WDFY4: variants seen among roughly 807,000 people sequenced by gnomAD.
WDFY4 encodes WDFY family member 4, also known as WD repeat- and FYVE domain-containing protein 4.
A neutral mutation model predicts 351.9 loss-of-function variants in WDFY4; 169 were observed. That is an observed-to-expected ratio of 0.48 (90% CI 0.42 to 0.55). The LOEUF is 0.55. Ranked by LOEUF, WDFY4 falls within the 20% of genes least tolerant of loss-of-function variation. The pLI is 0.00. For synonymous variants in WDFY4, 1,622 were observed against 1,574.6 expected, an observed-to-expected ratio of 1.03 and a Z score of -0.71; for missense variants, 3,803 against 3,935.6, an observed-to-expected ratio of 0.97 and a Z score of 0.90.
chr10:48,905,436 G>A (rs564280248), intron 47 of WDFY4, among the ~76,000 whole-genome samples: 1 of 152,324 alleles, frequency 6.6e-6, no homozygotes, highest in Non-Finnish European at 1.5e-5. Flanking sequence ...ATGCCAACCT[G>A]TGTACCACCT....
chr10:48,966,894 C>G lies in WDFY4; in HGVS notation c.8584+221C>G, dbSNP rs890338791. The stretch of plus-strand genomic sequence containing the variant: ...CCCTAACTTCTGAAGACCCACGTCT[C>G]TCTGTCTTTCTGTCTGTCTCTCTCA... On this transcript the variant is annotated intron_variant, in intron 55 of 61. Coordinates refer to ENST00000325239, the MANE Select transcript of WDFY4 (RefSeq NM_001394531.1). The G allele has an allele frequency of 5.2e-6, 3 of 578,746 alleles. No individual in the cohort carries two copies. In the African/African-American group the frequency reaches 5.6e-5, roughly 11 times the overall value. The allele number at this position is 578,746 out of a possible 1,614,324, so 35.9% of individuals were successfully genotyped here.
intron 13 of WDFY4, among the ~76,000 whole-genome samples, chr10:48,763,358 G>T (rs139192652): frequency 2.0e-5 from 3 of 152,370 alleles, no homozygotes; most frequent in African/African-American, 7.2e-5. Context: ...AGACTGCAGG[G>T]TCATGCATTC....
At chr10:48,844,410 G>T (rs894913742) in intron 39 of WDFY4, among the ~76,000 whole-genome samples, 1 of 152,096 alleles carries the variant, frequency 6.6e-6, no homozygotes, top group Non-Finnish European at 1.5e-5. Flanking sequence ...TGGCCAATAT[G>T]ATGAAACCCC....
At chr10:48,875,050 T>C (rs2069941746) in intron 41 of WDFY4, 39 bp from the exon 42 acceptor site, 3 of 1,319,340 alleles carry the variant, frequency 2.3e-6, no homozygotes, top group African/African-American at 1.5e-5. Context: ...AGATGTAGCA[T>C]CCAGGATTTA....
At chr10:48,803,261 G>A (rs2132852867) in intron 24 of WDFY4, 25 bp from the exon 25 acceptor site, 1 of 1,550,700 alleles carries the variant, frequency 6.4e-7, no homozygotes, top group Non-Finnish European at 8.7e-7. Context: ...CTTCATTTTA[G>A]CATGTGTTTT....
intron 35 of WDFY4, 78 bp from the exon 36 acceptor site, chr10:48,826,593 T>C: frequency 9.0e-7 from 1 of 1,116,808 alleles, no homozygotes; most frequent in East Asian, 2.6e-5. Flanking sequence ...ATACTATTTT[T>C]GTGGTAAACT....
At chr10:48,948,255 G>A (rs989817701) in intron 51 of WDFY4, among the ~76,000 whole-genome samples, 1 of 152,142 alleles carries the variant, frequency 6.6e-6, no homozygotes. Flanking sequence ...AATAATAAAT[G>A]TGCTTCCCCT....
At chr10:48,695,676 T>A (rs186809026) in intron 1 of WDFY4, among the ~76,000 whole-genome samples, 6 of 152,210 alleles carry the variant, frequency 3.9e-5, no homozygotes, top group Non-Finnish European at 8.8e-5. Context: ...CGAGCCCTGA[T>A]CGGCTCCCAG....
chr10:48,709,574 C>A (rs2063715845), intron 1 of WDFY4, 142 bp from the exon 2 acceptor site: 1 of 692,586 alleles, frequency 1.4e-6, no homozygotes, highest in African/African-American at 1.8e-5. Context: ...AAAAAGGCTT[C>A]CTTATTTTAG....
chr10:48,776,814 C>T lies in WDFY4; in HGVS notation c.2928C>T (p.His976=), dbSNP rs1407392357. The T allele has an allele frequency of 6.4e-7, 1 of 1,551,572 alleles. No individual in the cohort carries two copies. Among genetic ancestry groups the T allele is most frequent in the Non-Finnish European group, 8.7e-7 (1 of 1,147,004 alleles). The change falls in exon 16 of 62, where the codon CAC becomes CAT. Residue 976 remains histidine, a synonymous_variant. Coordinates refer to ENST00000325239, the MANE Select transcript of WDFY4 (RefSeq NM_001394531.1). ...PWPAAPDAGL[H]PGVTQAPQPL... ...CAGCTGCCCCAGATGCTGGGCTGCA[C>T]CCTGGAGTCACACAGGCCCCGCAGC...
intron 46 of WDFY4, among the ~76,000 whole-genome samples, chr10:48,901,501 G>A (rs1035095371): frequency 2.0e-5 from 3 of 152,246 alleles, no homozygotes; most frequent in Non-Finnish European, 4.4e-5. Flanking sequence ...CAGCAGGATT[G>A]TTGACATTGG....
At chr10:48,916,871 ATGTGTGTGTGTGTGTG>A (rs55891907) in intron 47 of WDFY4, among the ~76,000 whole-genome samples, 32 of 149,300 alleles carry the variant, frequency 2.1e-4, no homozygotes, top group South Asian at 1.7e-3. Flanking sequence ...CTTTAAAAAT[ATGTGTGTGTGTGTGTG>A]TGTGTGTGTG....
chr10:48,813,921 C>G, intron 30 of WDFY4, 36 bp from the exon 31 acceptor site: 4 of 1,474,874 alleles, frequency 2.7e-6, no homozygotes, highest in South Asian at 1.3e-5. Context: ...GGTGAGTAGC[C>G]GCAGGTCTGC....
At chr10:48,806,748 C>T (rs1228583844) in intron 27 of WDFY4, among the ~76,000 whole-genome samples, 1 of 152,202 alleles carries the variant, frequency 6.6e-6, no homozygotes, top group Non-Finnish European at 1.5e-5. Context: ...GTCCTGGGCC[C>T]TGCGGCTCTG....
At chr10:48,795,165 A>G (rs2066814308) in intron 23 of WDFY4, among the ~76,000 whole-genome samples, 1 of 152,006 alleles carries the variant, frequency 6.6e-6, no homozygotes. Context: ...GACAGGAAGG[A>G]ATGCAACACG....
chr10:48,795,823 G>C (rs1389154716), intron 23 of WDFY4, among the ~76,000 whole-genome samples: 1 of 152,046 alleles, frequency 6.6e-6, no homozygotes, highest in African/African-American at 2.4e-5. Context: ...GACAAGCTGG[G>C]TCACCAAATG....
intron 47 of WDFY4, 57 bp from the exon 48 acceptor site, chr10:48,941,749 C>T: frequency 6.5e-7 from 1 of 1,539,256 alleles, no homozygotes. Flanking sequence ...CACCTCTCCC[C>T]TGTTTGTATT....
rs752199977 is a variant in WDFY4, at chr10:48,735,984, A to G, written c.1792A>G (p.Asn598Asp). Reference protein sequence around the residue: ...LSILEQLSAINAEEYMSIIVG... With the variant: ...LSILEQLSAIDAEEYMSIIVG... ...CATCTTGGAGCAGCTCTCAGCCATCAACGCCGAGGAGTACATGAGCATCAT... is the reference window on the plus strand; with the variant it reads ...CATCTTGGAGCAGCTCTCAGCCATCGACGCCGAGGAGTACATGAGCATCAT... Residue 598 changes from asparagine to aspartate, a missense_variant, in exon 11 of 62, where the codon AAC (asparagine) becomes GAC (aspartate). Around this residue, in one of 3 missense-constraint regions of WDFY4, gnomAD observed 261 missense variants for 330.2 expected, o/e 0.79. Coordinates refer to ENST00000325239, the MANE Select transcript of WDFY4 (RefSeq NM_001394531.1). The G allele has an allele frequency of 1.3e-6, 2 of 1,551,882 alleles. No homozygotes were observed. Among genetic ancestry groups the G allele is most frequent in the Non-Finnish European group, 8.7e-7 (1 of 1,147,046 alleles).
intron 28 of WDFY4, among the ~76,000 whole-genome samples, chr10:48,809,345 A>C (rs1461511173): frequency 6.7e-6 from 1 of 148,810 alleles, no homozygotes; most frequent in African/African-American, 2.6e-5. Flanking sequence ...CACCATCACC[A>C]TCATCACCAC....
Sources: gnomAD v4.1 joint callset for allele counts (sites outside exome capture counted in the v4.1 genomes callset) on GRCh38, gnomAD v4.1.1 for gene constraint, gnomAD v4.1.1 regional missense constraint, MANE v1.5 for transcripts, NCBI Gene and HGNC (gene_info 2026-07-23, HGNC 2026-07-21) for gene names.